LITAF: variants seen among roughly 807,000 people sequenced by gnomAD.
LITAF encodes the protein lipopolysaccharide-induced tumor necrosis factor-alpha factor.
In LITAF, 9 loss-of-function variants were observed where a neutral mutation model predicts 14.5. The observed-to-expected ratio is 0.62, with a 90% CI of 0.37 to 1.08. The LOEUF (loss-of-function observed/expected upper bound fraction) is 1.08, where lower values mean the gene tolerates loss of function less well. LITAF is among the 50% of genes least tolerant of loss of function. LITAF has a pLI of 0.01. For missense variants in LITAF, 206 were observed against 213.4 expected, an observed-to-expected ratio of 0.97 and a Z score of 0.22; for synonymous variants, 98 against 88.2, an observed-to-expected ratio of 1.11 and a Z score of -0.62.
upstream of LITAF, among the ~76,000 whole-genome samples, chr16:11,602,732 AAGAT>A (rs2064935060): frequency 2.0e-5 from 3 of 150,626 alleles, no homozygotes; most frequent in Admixed American, 6.7e-5. Context: ...ACCAGGTTGT[AAGAT>A]CTATTGTTCA....
At chr16:11,618,329 G>A (rs2065029963) in intron 3 of LITAF, among the ~76,000 whole-genome samples, 1 of 152,230 alleles carries the variant, frequency 6.6e-6, no homozygotes, top group African/African-American at 2.4e-5. Flanking sequence ...CCCCTGGCAA[G>A]GCGGGAGGAG....
chr16:11,587,977 C>G (rs544701344), upstream of LITAF, among the ~76,000 whole-genome samples: 1 of 152,058 alleles, frequency 6.6e-6, no homozygotes, highest in Non-Finnish European at 1.5e-5. Flanking sequence ...TGCCTTTACC[C>G]GAGGTCCTAA....
intron 3 of LITAF, among the ~76,000 whole-genome samples, chr16:11,628,683 CT>C (rs35083001): frequency 1.4e-4 from 20 of 147,476 alleles, no homozygotes; most frequent in South Asian, 4.3e-4. Flanking sequence ...TTTTTCTTTT[CT>C]TTTTTTTTTT....
intron 1 of LITAF, among the ~76,000 whole-genome samples, chr16:11,569,196 T>C (rs2064504071): frequency 6.6e-6 from 1 of 152,142 alleles, no homozygotes; most frequent in Admixed American, 6.5e-5. Context: ...CTGAGGCCAC[T>C]AAGCTCAGAG....
intron 1 of LITAF, among the ~76,000 whole-genome samples, chr16:11,594,804 A>G (rs2064872223): frequency 6.6e-6 from 1 of 152,062 alleles, no homozygotes; most frequent in Non-Finnish European, 1.5e-5. Flanking sequence ...TGAACCCAGG[A>G]GGTGGAGGCT....
intron 2 of LITAF, among the ~76,000 whole-genome samples, chr16:11,554,787 C>CAAAAAAAAAAAAAAAAAAAAAAAAAAA (rs56346206): frequency 1.6e-5 from 1 of 64,490 alleles, no homozygotes; most frequent in Non-Finnish European, 3.0e-5. Context: ...GACTCTACCT[C>CAAAAAAAAAAAAAAAAAAAAAAAAAAA]AAAAAAAAAA....
upstream of LITAF, among the ~76,000 whole-genome samples, chr16:11,589,735 C>T (rs1369402088): frequency 6.6e-6 from 1 of 151,176 alleles, no homozygotes; most frequent in Non-Finnish European, 1.5e-5. Context: ...CCTCCCACCT[C>T]AGCCTCCTCA....
intron 3 of LITAF, among the ~76,000 whole-genome samples, chr16:11,629,812 C>T (rs543978430): frequency 2.0e-5 from 3 of 152,290 alleles, no homozygotes; most frequent in Admixed American, 6.5e-5. Flanking sequence ...CAGGGGCGCG[C>T]AGCTCATGGA....
chr16:11,578,225 C>T (rs185362563), intron 1 of LITAF, among the ~76,000 whole-genome samples: 12 of 152,318 alleles, frequency 7.9e-5, no homozygotes, highest in Non-Finnish European at 1.6e-4. Flanking sequence ...CTCTCCCTTT[C>T]CTCTCCTGTG....
At chr16:11,562,889 C>T (rs1484454220) in intron 1 of LITAF, among the ~76,000 whole-genome samples, 2 of 151,562 alleles carry the variant, frequency 1.3e-5, no homozygotes, top group Non-Finnish European at 2.9e-5. Flanking sequence ...AGAGCAAGAC[C>T]TTGTCTCAAA....
intron 2 of LITAF, among the ~76,000 whole-genome samples, chr16:11,554,917 A>G (rs917970807): frequency 6.6e-6 from 1 of 152,100 alleles, no homozygotes; most frequent in African/African-American, 2.4e-5. Context: ...TGTCATTTAT[A>G]TAACAAATGA....
At position 11,549,589 on chromosome 16, in the gene LITAF, G is replaced by A. The variant is rs768639690; in HGVS notation, c.*48C>T. On this transcript the variant is annotated 3_prime_UTR_variant, in exon 4 of 4. Coordinates refer to ENST00000622633, the MANE Select transcript of LITAF (RefSeq NM_001136472.2). This position sits in a 1 kb window ranked among gnomAD's most constrained non-coding sequence, Gnocchi z 4.6. The stretch of plus-strand genomic sequence containing the variant: ...CCAGGCGTGAAGCTGGATGAGAGGT[G>A]GAAAGGACTTCCTGCGGCACCCGGC... The A allele has an allele frequency of 7.8e-5, 111 of 1,417,664 alleles. No homozygotes were observed. Among genetic ancestry groups the A allele is most frequent in the Non-Finnish European group, 9.9e-5 (100 of 1,014,192 alleles). 87.8% of individuals were successfully genotyped at this position (1,417,664 alleles called of 1,614,324 possible). A position where few individuals can be genotyped will look rare whatever the true frequency, so the allele number is the denominator to read the frequency against.
At chr16:11,615,604 G>A (rs752025731) in intron 3 of LITAF, among the ~76,000 whole-genome samples, 1 of 152,184 alleles carries the variant, frequency 6.6e-6, no homozygotes, top group South Asian at 2.1e-4. Flanking sequence ...GGAGGTGGAG[G>A]TTGCAGTGAA....
intron 1 of LITAF, among the ~76,000 whole-genome samples, chr16:11,595,715 T>G (rs2064880403): frequency 6.6e-6 from 1 of 151,878 alleles, no homozygotes; most frequent in African/African-American, 2.4e-5. Flanking sequence ...GGCGACAGAG[T>G]GAGACTCCGT....
chr16:11,639,027 C>T (rs1362638), upstream of LITAF, among the ~76,000 whole-genome samples: 96,292 of 151,812 alleles, frequency 0.63, 32,463 homozygotes, highest in East Asian at 0.85. Flanking sequence ...TGTAGAGTGA[C>T]GGATGCATGG....
Position 11,548,785 on chromosome 16 carries a change from G to C in LITAF, c.*852C>G, listed in dbSNP as rs1245137297. 2.2e-6 allele frequency: 1 copy of C among 452,828 alleles called. No individual in the cohort carries two copies. Among genetic ancestry groups the C allele is most frequent in the Non-Finnish European group, 4.4e-6 (1 of 226,542 alleles). 28.1% of individuals were successfully genotyped at this position (452,828 alleles called of 1,614,324 possible). ...GAGCCCAGGAGTTCGACACCAGCCT[G>C]GGCAACATAGTAAGACCCCATCTCT... On this transcript the variant is annotated 3_prime_UTR_variant, in exon 4 of 4. Transcript: ENST00000622633.
In LITAF at chr16:11,628,546, C is replaced by T. The variant is rs182258363; in HGVS notation, c.85+4987G>A. ...TTAGTCAAGATCTTGCTCTGTTGCC[C>T]GGGCTGGAGTGCAGTGGCACGATCA... is the stretch of plus-strand genomic sequence containing the variant. On this transcript the variant is annotated intron_variant, in intron 3 of 3. Transcript: ENST00000574848. Among the ~76,000 whole-genome samples the T allele has an allele frequency of 8.5e-5, 13 of 152,208 alleles. No homozygotes were observed. In the East Asian group the frequency reaches 1.9e-3, roughly 23 times the overall value.
chr16:11,593,076 T>C (rs1301379325), intron 1 of LITAF, among the ~76,000 whole-genome samples: 3 of 151,704 alleles, frequency 2.0e-5, no homozygotes, highest in Non-Finnish European at 4.4e-5. Context: ...GAGGCTGAGG[T>C]AGGAGAATGG....
At position 11,634,368 on chromosome 16, in the gene LITAF, C is replaced by G. The variant is rs2065130224; in HGVS notation, c.-20-731G>C. ...GATAATGATTCCCTTCCCCAAAACT[C>G]AACCGCCTTTGTGAAGGTAACAAAA... is the stretch of plus-strand genomic sequence containing the variant. On this transcript the variant is annotated intron_variant, in intron 2 of 3. Transcript: ENST00000574848. This position sits in a 1 kb window ranked among gnomAD's most constrained non-coding sequence, Gnocchi z 4.1. Among the ~76,000 whole-genome samples the G allele has an allele frequency of 6.6e-6, 1 of 152,296 alleles. No individual in the cohort carries two copies. Among genetic ancestry groups the G allele is most frequent in the African/African-American group, 2.4e-5 (1 of 41,562 alleles).
Sources: allele counts gnomAD v4.1 joint callset (sites outside exome capture counted in the v4.1 genomes callset), GRCh38; gene constraint gnomAD v4.1.1; non-coding constraint Gnocchi (gnomAD v3.1); transcripts MANE v1.5; gene names NCBI Gene and HGNC (gene_info 2026-07-23, HGNC 2026-07-21).